Variants in LRMDA observed in about 807,000 individuals in gnomAD.
LRMDA encodes leucine rich melanocyte differentiation associated, also known as leucine-rich melanocyte differentiation-associated protein.
Under a neutral mutation model 29.8 loss-of-function variants are expected in LRMDA, and 18 were observed. That is an observed-to-expected ratio of 0.60 (90% CI 0.42 to 0.90). The LOEUF is 0.90. LRMDA is among the 40% of genes least tolerant of loss of function. The probability of loss-of-function intolerance (pLI) is 0.00; values close to 1 mark genes in which losing one functional copy is unlikely to be tolerated. For synonymous variants in LRMDA, 125 were observed against 109.4 expected (o/e 1.14, Z -0.89); for missense variants, 273 against 273.9 (o/e 1.00, Z 0.02).
chr10:75,502,412 T>A lies in LRMDA; in HGVS notation c.131+63918T>A, dbSNP rs181080859. Among the ~76,000 whole-genome samples the A allele has an allele frequency of 7.2e-4, 105 of 145,762 alleles. 1 individual carries two copies. Among genetic ancestry groups the A allele is most frequent in the African/African-American group, 2.6e-3 (103 of 39,660 alleles). On this transcript the variant is annotated intron_variant, in intron 2 of 6. Transcript: ENST00000611255. ...CAGTCCAGAGAACAAGTTATATACC[T>A]TTTTGCCTTTTAGATTTTTTTTTTT...
intron 2 of LRMDA, among the ~76,000 whole-genome samples, chr10:75,541,742 C>T (rs974486884): frequency 7.2e-5 from 11 of 152,132 alleles, no homozygotes; most frequent in African/African-American, 2.4e-4. Flanking sequence ...TTGCTATAGC[C>T]CATTTAAGTG....
At chr10:76,487,781 T>G (rs181794266) in intron 6 of LRMDA, among the ~76,000 whole-genome samples, 1 of 152,026 alleles carries the variant, frequency 6.6e-6, no homozygotes, top group African/African-American at 2.4e-5. Flanking sequence ...TTACGCAACT[T>G]GCCCAAGATC....
At chr10:76,114,192 A>G (rs1293729118) in intron 5 of LRMDA, among the ~76,000 whole-genome samples, 1 of 152,202 alleles carries the variant, frequency 6.6e-6, no homozygotes, top group Non-Finnish European at 1.5e-5. Flanking sequence ...CTGACTAGCA[A>G]TAGGCATTGT....
chr10:75,842,356 TC>T, intron 2 of LRMDA, among the ~76,000 whole-genome samples: 1 of 152,246 alleles, frequency 6.6e-6, no homozygotes, highest in Non-Finnish European at 1.5e-5. Context: ...GGAATTTTTT[TC>T]TCTTGTTAGT....
chr10:75,491,831 A>G (rs1844991696), intron 2 of LRMDA, among the ~76,000 whole-genome samples: 1 of 152,166 alleles, frequency 6.6e-6, no homozygotes. Context: ...CTTAATTTCA[A>G]GATGGGAAAC....
intron 6 of LRMDA, among the ~76,000 whole-genome samples, chr10:76,361,209 C>T (rs148402127): frequency 0.022 from 3,371 of 151,282 alleles, 132 homozygotes; most frequent in African/African-American, 0.077. Flanking sequence ...TGCAGTGAGT[C>T]GAGATTGCAC....
At chr10:76,271,385 G>C (rs112313687) in intron 5 of LRMDA, among the ~76,000 whole-genome samples, 3,827 of 151,940 alleles carry the variant, frequency 0.025, 125 homozygotes, top group African/African-American at 0.082. Flanking sequence ...TCCAGCCTGG[G>C]CAGCAGAGTT....
intron 2 of LRMDA, among the ~76,000 whole-genome samples, chr10:76,002,820 A>G (rs2132470549): frequency 6.6e-6 from 1 of 152,260 alleles, no homozygotes; most frequent in South Asian, 2.1e-4. Flanking sequence ...GCTTTCAGGG[A>G]ACTCCTCAGG....
chr10:76,066,092 C>T (rs998642630), intron 5 of LRMDA, among the ~76,000 whole-genome samples: 1 of 152,188 alleles, frequency 6.6e-6, no homozygotes. Context: ...ATCCCATCCA[C>T]ACACCCTACC....
chr10:75,831,105 G>A (rs1844334778), intron 2 of LRMDA, among the ~76,000 whole-genome samples: 1 of 152,036 alleles, frequency 6.6e-6, no homozygotes, highest in African/African-American at 2.4e-5. Context: ...GAGTGCAGTG[G>A]CGTGATCTCG....
At chr10:76,462,762 A>T (rs944573193) in intron 6 of LRMDA, among the ~76,000 whole-genome samples, 7 of 152,184 alleles carry the variant, frequency 4.6e-5, no homozygotes, top group African/African-American at 1.7e-4. Context: ...CCAGCTACTC[A>T]GTGCCTCCCA....
chr10:75,744,971 GTCTC>G (rs1207636654), intron 2 of LRMDA, among the ~76,000 whole-genome samples: 1 of 152,204 alleles, frequency 6.6e-6, no homozygotes, highest in Non-Finnish European at 1.5e-5. Context: ...GCACAGGCAA[GTCTC>G]TCTCCCATCT....
intron 5 of LRMDA, among the ~76,000 whole-genome samples, chr10:76,276,846 G>C (rs1261961903): frequency 6.6e-6 from 1 of 152,030 alleles, no homozygotes; most frequent in Non-Finnish European, 1.5e-5. Context: ...TGCCTTTCGT[G>C]GGTTCCAATC....
intron 5 of LRMDA, among the ~76,000 whole-genome samples, chr10:76,233,516 G>A (rs1014592898): frequency 3.3e-5 from 5 of 152,046 alleles, no homozygotes; most frequent in East Asian, 1.9e-4. Context: ...ATTGACTCAC[G>A]AAAGATTTCT....
intron 2 of LRMDA, among the ~76,000 whole-genome samples, chr10:75,924,872 A>G (rs1846092494): frequency 6.6e-6 from 1 of 152,090 alleles, no homozygotes. Context: ...AGGGCCAACA[A>G]ATTAAATTTG....
chr10:75,837,969 C>T (rs1001101080), intron 2 of LRMDA, among the ~76,000 whole-genome samples: 13 of 151,954 alleles, frequency 8.6e-5, no homozygotes, highest in South Asian at 2.1e-4. Context: ...TTTTTGTACC[C>T]GATCTCAGAA....
chr10:76,434,848 A>G (rs1842229243), intron 6 of LRMDA, among the ~76,000 whole-genome samples: 2 of 152,146 alleles, frequency 1.3e-5, no homozygotes, highest in African/African-American at 4.8e-5. Context: ...CTGCCACCCA[A>G]CCATTAAGTG....
At chr10:75,691,219 TAC>T (rs1564541216) in intron 2 of LRMDA, among the ~76,000 whole-genome samples, 1 of 143,530 alleles carries the variant, frequency 7.0e-6, no homozygotes. Context: ...CATATATATA[TAC>T]ACATATATGT....
At chr10:75,622,622 C>T (rs1564524921) in intron 2 of LRMDA, among the ~76,000 whole-genome samples, 1 of 152,190 alleles carries the variant, frequency 6.6e-6, no homozygotes, top group Non-Finnish European at 1.5e-5. Flanking sequence ...CTTAGGGAGT[C>T]ACAGACGCAT....
Sources: allele counts gnomAD v4.1 joint callset (sites outside exome capture counted in the v4.1 genomes callset), GRCh38; gene constraint gnomAD v4.1.1; transcripts MANE v1.5; gene names NCBI Gene and HGNC (gene_info 2026-07-23, HGNC 2026-07-21).